Variants in TENM3 observed in about 807,000 individuals in gnomAD.
TENM3 encodes teneurin transmembrane protein 3, also known as teneurin-3.
TENM3 carries 63 observed loss-of-function variants against 255.1 expected under a neutral mutation model. That is an observed-to-expected ratio of 0.25 (90% CI 0.20 to 0.30). The LOEUF (loss-of-function observed/expected upper bound fraction) is 0.30. TENM3 is among the 10% of genes least tolerant of loss of function. The pLI, the probability that TENM3 is intolerant of heterozygous loss-of-function variation, is 1.00. For missense variants in TENM3, 2,929 were observed against 3,461.1 expected (o/e 0.85, Z 3.86); for synonymous variants, 1,306 against 1,322.3 (o/e 0.99, Z 0.27).
At chr4:181,647,501 G>T in the TENM3 span, among the ~76,000 whole-genome samples, 6 of 152,148 alleles carry the variant, frequency 3.9e-5, no homozygotes, top group Admixed American at 3.9e-4. Flanking sequence ...ATATTCTCAT[G>T]TACGGTTTTC....
At chr4:181,857,433 G>A in the TENM3 span, among the ~76,000 whole-genome samples, 1 of 151,678 alleles carries the variant, frequency 6.6e-6, no homozygotes, top group Non-Finnish European at 1.5e-5. Flanking sequence ...CTGGATTTTT[G>A]GCCAGGTGCA....
chr4:181,455,934 G>A, the TENM3 span, among the ~76,000 whole-genome samples: 3 of 151,808 alleles, frequency 2.0e-5, no homozygotes, highest in Non-Finnish European at 4.4e-5. Flanking sequence ...CACTACGGTG[G>A]GAAGGGCAAA....
At chr4:181,462,629 C>T in the TENM3 span, among the ~76,000 whole-genome samples, 1 of 152,008 alleles carries the variant, frequency 6.6e-6, no homozygotes, top group Non-Finnish European at 1.5e-5. Flanking sequence ...CTAAATTGTC[C>T]CCAGAAGTAG....
chr4:182,604,427 G>C (rs1283941736), intron 4 of TENM3, among the ~76,000 whole-genome samples: 1 of 152,110 alleles, frequency 6.6e-6, no homozygotes, highest in Non-Finnish European at 1.5e-5. Context: ...GTTATACTTT[G>C]GATTATTCAC....
chr4:181,580,210 C>G, the TENM3 span, among the ~76,000 whole-genome samples: 1 of 152,006 alleles, frequency 6.6e-6, no homozygotes, highest in South Asian at 2.1e-4. Flanking sequence ...GTTGCTCAGG[C>G]TGGGCTTGAA....
At chr4:182,724,677 C>T (rs2152700047) in intron 13 of TENM3, among the ~76,000 whole-genome samples, 1 of 152,336 alleles carries the variant, frequency 6.6e-6, no homozygotes, top group South Asian at 2.1e-4. Context: ...TTGAGCATTC[C>T]TCTTTGGCAA....
chr4:182,330,056 C>A (rs1763649851), intron 2 of TENM3, among the ~76,000 whole-genome samples: 1 of 150,952 alleles, frequency 6.6e-6, no homozygotes, highest in Non-Finnish European at 1.5e-5. Context: ...TGGAATAACA[C>A]CTACTGAGAG....
chr4:182,295,181 G>C (rs766843348), intron 1 of TENM3, among the ~76,000 whole-genome samples: 1 of 149,488 alleles, frequency 6.7e-6, no homozygotes, highest in Non-Finnish European at 1.5e-5. Context: ...AAAGTGATAC[G>C]TATTATTGAT....
the TENM3 span, among the ~76,000 whole-genome samples, chr4:181,484,561 A>C: frequency 1.3e-5 from 2 of 152,200 alleles, no homozygotes; most frequent in East Asian, 3.9e-4. Context: ...ACTGCATAGT[A>C]ATTAGGGCTT....
the TENM3 span, among the ~76,000 whole-genome samples, chr4:181,889,071 A>G: frequency 5.9e-5 from 9 of 152,212 alleles, no homozygotes; most frequent in East Asian, 1.4e-3. Flanking sequence ...TGACATATTA[A>G]ATCAACCATC....
chr4:182,352,636 T>C (rs1490490532), intron 3 of TENM3, among the ~76,000 whole-genome samples: 1 of 152,154 alleles, frequency 6.6e-6, no homozygotes, highest in Non-Finnish European at 1.5e-5. Context: ...TGCAGTCTTT[T>C]TAAATGTAAT....
rs1265065703 is a variant in TENM3, at chr4:182,621,668, TTA to T, written c.750-6974_750-6973del. On this transcript the variant is annotated intron_variant, in intron 4 of 27. Transcript: ENST00000511685. ...TACATATTATAATATATAATATGTA[TTA>T]TATATATAAAATATATAATATATAT... Among the ~76,000 whole-genome samples the T allele has an allele frequency of 4.3e-3, 136 of 31,542 alleles. 6 individuals carry two copies. Among genetic ancestry groups the T allele is most frequent in the African/African-American group, 0.011 (112 of 9,940 alleles). 20.7% of individuals were successfully genotyped at this position (31,542 alleles called of 152,430 possible). A position where few individuals can be genotyped will look rare whatever the true frequency, so the allele number is the denominator to read the frequency against.
the TENM3 span, among the ~76,000 whole-genome samples, chr4:181,862,139 A>G: frequency 6.6e-6 from 1 of 152,136 alleles, no homozygotes; most frequent in African/African-American, 2.4e-5. Flanking sequence ...TATCTCTTCA[A>G]AGCATTTCTT....
At chr4:181,948,247 GA>G in the TENM3 span, among the ~76,000 whole-genome samples, 16 of 151,882 alleles carry the variant, frequency 1.1e-4, no homozygotes, top group African/African-American at 2.7e-4. Context: ...TTCACGGGGG[GA>G]AAAAATAGAG....
the TENM3 span, among the ~76,000 whole-genome samples, chr4:181,569,048 T>C: frequency 4.5e-4 from 69 of 152,164 alleles, no homozygotes; most frequent in African/African-American, 1.6e-3. Context: ...TAATAAAAGG[T>C]TTTTGCCAGT....
the TENM3 span, among the ~76,000 whole-genome samples, chr4:181,643,586 A>G: frequency 6.6e-6 from 1 of 152,150 alleles, no homozygotes; most frequent in African/African-American, 2.4e-5. Flanking sequence ...TGGACTAAGG[A>G]GTTGACTGCA....
At chr4:181,501,150 C>T in the TENM3 span, among the ~76,000 whole-genome samples, 1 of 152,066 alleles carries the variant, frequency 6.6e-6, no homozygotes, top group East Asian at 1.9e-4. Context: ...CTAAAAGTGG[C>T]AACTTAAGGA....
the TENM3 span, among the ~76,000 whole-genome samples, chr4:181,967,484 G>A: frequency 6.6e-6 from 1 of 152,096 alleles, no homozygotes; most frequent in African/African-American, 2.4e-5. Flanking sequence ...CCTATCACCG[G>A]TTTAAAAGCC....
chr4:181,662,203 C>A, the TENM3 span, among the ~76,000 whole-genome samples: 1 of 152,136 alleles, frequency 6.6e-6, no homozygotes, highest in Non-Finnish European at 1.5e-5. Context: ...TCCACTCTGG[C>A]TGATATGTGA....
Sources: gnomAD v4.1 joint callset for allele counts (sites outside exome capture counted in the v4.1 genomes callset) on GRCh38, gnomAD v4.1.1 for gene constraint, MANE v1.5 for transcripts, NCBI Gene and HGNC (gene_info 2026-07-23, HGNC 2026-07-21) for gene names.